F13A1: variants seen among roughly 807,000 people sequenced by gnomAD.
F13A1 encodes the protein FSF, A subunit.
F13A1 carries 47 observed loss-of-function variants against 80.1 expected under a neutral mutation model. That is an observed-to-expected ratio of 0.59 (90% CI 0.46 to 0.75). The LOEUF is 0.75. Ranked by LOEUF, F13A1 falls within the 30% of genes least tolerant of loss-of-function variation. The pLI, the probability that F13A1 is intolerant of heterozygous loss-of-function variation, is 0.00. For missense variants in F13A1, 817 were observed against 930.4 expected (o/e 0.88, Z 1.59); for synonymous variants, 349 against 344.9 (o/e 1.01, Z -0.13).
chr6:6,144,589 C>A lies in F13A1; in HGVS notation c.*1030G>T, dbSNP rs548323382. Reference sequence around the variant, plus strand: ...TATTTGCAAGGCTGAGTCCATATTACCCTTCAGCACCTGAGTGCCAAGCTG... The same window carrying A: ...TATTTGCAAGGCTGAGTCCATATTAACCTTCAGCACCTGAGTGCCAAGCTG... On this transcript the variant is annotated 3_prime_UTR_variant, in exon 15 of 15. Transcript: ENST00000264870. 7 of 152,294 alleles carry A rather than the reference C, an allele frequency of 4.6e-5. No individual in the cohort carries two copies. In the East Asian group the frequency reaches 1.4e-3, roughly 29 times the overall value. 9.4% of individuals were successfully genotyped at this position (152,294 alleles called of 1,614,324 possible).
At chr6:6,170,341 G>T (rs1441414550) in intron 12 of F13A1, among the ~76,000 whole-genome samples, 1 of 152,076 alleles carries the variant, frequency 6.6e-6, no homozygotes, top group Non-Finnish European at 1.5e-5. Context: ...CTTCTCTGAG[G>T]TAGAACACTC....
chr6:6,312,935 G>A (rs1403177527), intron 2 of F13A1, among the ~76,000 whole-genome samples: 1 of 152,118 alleles, frequency 6.6e-6, no homozygotes, highest in Non-Finnish European at 1.5e-5. Flanking sequence ...TTGCCCATGA[G>A]TCAGCCACAC....
intron 3 of F13A1, among the ~76,000 whole-genome samples, chr6:6,298,396 G>C (rs917316271): frequency 3.3e-5 from 5 of 150,054 alleles, no homozygotes; most frequent in Non-Finnish European, 1.5e-5. Context: ...TCTCTTTGTA[G>C]GTCACTCAGG....
intron 14 of F13A1, among the ~76,000 whole-genome samples, chr6:6,146,222 G>A (rs1053646808): frequency 2.6e-5 from 4 of 152,124 alleles, no homozygotes; most frequent in African/African-American, 4.8e-5. Flanking sequence ...CCTGACACTC[G>A]AATTAGCTTT....
chr6:6,252,736 G>C (rs7744744), intron 4 of F13A1, among the ~76,000 whole-genome samples: 70,268 of 152,098 alleles, frequency 0.46, 18,029 homozygotes, highest in African/African-American at 0.7. Flanking sequence ...TGAACATTCA[G>C]TAATGTAAAG....
chr6:6,284,641 T>C (rs1281382974), intron 3 of F13A1, among the ~76,000 whole-genome samples: 4 of 152,096 alleles, frequency 2.6e-5, no homozygotes, highest in African/African-American at 9.7e-5. Flanking sequence ...CTGAGTGGTG[T>C]CCAAACTCCA....
rs1583127527 is a variant in F13A1 at position 6,312,488 on chromosome 6, G to A, written c.130+6047C>T. On this transcript the variant is annotated intron_variant, in intron 2 of 14. Coordinates refer to ENST00000264870, the MANE Select transcript of F13A1 (RefSeq NM_000129.4). ...AGATGGAGACCATCTTGGCCAATAT[G>A]GTGAAACCCAGTCTCTACTAAAAAA... 3.2e-5 allele frequency among the ~76,000 whole-genome samples: 2 copies of A among 62,924 alleles called. 1 individual carries two copies. Among genetic ancestry groups the A allele is most frequent in the South Asian group, 9.7e-4 (2 of 2,058 alleles). 41.3% of individuals were successfully genotyped at this position (62,924 alleles called of 152,430 possible). A position where few individuals can be genotyped will look rare whatever the true frequency, so the allele number is the denominator to read the frequency against.
intron 8 of F13A1, among the ~76,000 whole-genome samples, chr6:6,214,634 G>A (rs1761686187): frequency 1.0e-5 from 1 of 95,616 alleles, no homozygotes; most frequent in South Asian, 3.7e-4. Context: ...AAAAGCAAGA[G>A]CAAACACATT....
Position 6,250,757 on chromosome 6 carries a change from CA to C in F13A1, c.690+53del. The C allele has an allele frequency of 1.6e-6, 2 of 1,231,228 alleles. No individual in the cohort carries two copies. Among genetic ancestry groups the C allele is most frequent in the Non-Finnish European group, 2.4e-6 (2 of 833,572 alleles). 76.3% of individuals were successfully genotyped at this position (1,231,228 alleles called of 1,614,324 possible). A position where few individuals can be genotyped will look rare whatever the true frequency, so the allele number is the denominator to read the frequency against. Reference sequence around the variant, plus strand: ...TGGGATCCTGTAGGGATACATGTGACAAAAAATATGAAGTAAAAATGTCCTT... The same window carrying C: ...TGGGATCCTGTAGGGATACATGTGACAAAAATATGAAGTAAAAATGTCCTT... On this transcript the variant is annotated intron_variant, in intron 5 of 14. Coordinates refer to ENST00000264870, the MANE Select transcript of F13A1 (RefSeq NM_000129.4). The surrounding 1 kb of genome is among the most constrained non-coding windows in gnomAD (Gnocchi z 4.2).
chr6:6,310,258 G>A (rs113983005), intron 2 of F13A1, among the ~76,000 whole-genome samples: 75 of 152,300 alleles, frequency 4.9e-4, no homozygotes, highest in African/African-American at 1.7e-3. Context: ...ACTTTAATAT[G>A]CTGATGTATA....
At chr6:6,157,070 A>G (rs551786460) in intron 13 of F13A1, among the ~76,000 whole-genome samples, 2 of 152,352 alleles carry the variant, frequency 1.3e-5, no homozygotes, top group South Asian at 2.1e-4. Context: ...AAATGTAGAC[A>G]GTCTGGGGCC....
chr6:6,244,401 T>C (rs990649438), intron 6 of F13A1, among the ~76,000 whole-genome samples: 4 of 152,174 alleles, frequency 2.6e-5, no homozygotes, highest in African/African-American at 9.7e-5. Flanking sequence ...CAGTATAGCT[T>C]GGTAAAATGC....
intron 2 of F13A1, among the ~76,000 whole-genome samples, chr6:6,309,265 C>G (rs1758557457): frequency 1.3e-5 from 2 of 151,044 alleles, no homozygotes; most frequent in Non-Finnish European, 2.9e-5. Flanking sequence ...AAAATGTGGA[C>G]AGATAATTAT....
At chr6:6,302,390 G>T (rs1758446530) in intron 3 of F13A1, among the ~76,000 whole-genome samples, 1 of 152,198 alleles carries the variant, frequency 6.6e-6, no homozygotes, top group South Asian at 2.1e-4. Flanking sequence ...ATATGGCAGA[G>T]CCTACTGCTG....
chr6:6,287,231 C>T (rs900659866), intron 3 of F13A1, among the ~76,000 whole-genome samples: 1 of 152,184 alleles, frequency 6.6e-6, no homozygotes, highest in African/African-American at 2.4e-5. Flanking sequence ...ATATTTTCCC[C>T]CACCTTTTTC....
Position 6,151,856 on chromosome 6 carries a change from G to T in F13A1, c.2002C>A (p.Leu668Met). 1 of 1,614,074 alleles carries T rather than the reference G, an allele frequency of 6.2e-7. No individual in the cohort carries two copies. The change falls in exon 14 of 15, where the codon CTG becomes ATG. Residue 668 changes from leucine (L) to methionine (M), a missense_variant. By Grantham distance (15) the Leu-to-Met change is conservative. Coordinates refer to ENST00000264870, the MANE Select transcript of F13A1 (RefSeq NM_000129.4). ...GGTCTTGTTACTCCAGGACCATCCA[G>T]GTGTACCCAGACATTTCGCAGGGTT... ...KETLRNVWVH[L>M]DGPGVTRPMK...
chr6:6,251,004 T>A, intron 4 of F13A1, 75 bp from the exon 5 acceptor site: 2 of 1,159,540 alleles, frequency 1.7e-6, no homozygotes, highest in Non-Finnish European at 2.6e-6. Context: ...TATGCAAGTT[T>A]ATTTTGTTTC....
intron 13 of F13A1, among the ~76,000 whole-genome samples, chr6:6,164,036 G>T (rs143385720): frequency 8.5e-5 from 13 of 152,122 alleles, no homozygotes; most frequent in African/African-American, 2.7e-4. Flanking sequence ...ATCTCATGGT[G>T]GCTTTGATTT....
At chr6:6,307,267 A>C (rs981256542) in intron 2 of F13A1, among the ~76,000 whole-genome samples, 8 of 152,086 alleles carry the variant, frequency 5.3e-5, no homozygotes, top group African/African-American at 1.9e-4. Context: ...GGCAAGCAGA[A>C]AGTGCAGGAT....
Sources: gnomAD v4.1 joint callset for allele counts (sites outside exome capture counted in the v4.1 genomes callset) on GRCh38, gnomAD v4.1.1 for gene constraint, Gnocchi (gnomAD v3.1) non-coding constraint, MANE v1.5 for transcripts, NCBI Gene and HGNC (gene_info 2026-07-23, HGNC 2026-07-21) for gene names.